EIPR1: variants seen among roughly 807,000 people sequenced by gnomAD.
The protein encoded by EIPR1 is EARP and GARP complex-interacting protein 1.
Under a neutral mutation model 48.1 loss-of-function variants are expected in EIPR1, and 25 were observed. The ratio of observed to expected loss-of-function variants is 0.52; its 90% confidence interval spans 0.38 to 0.73. EIPR1 has a LOEUF of 0.73. EIPR1 is among the 30% of genes least tolerant of loss of function. EIPR1 has a pLI of 0.00. For synonymous variants in EIPR1, 204 were observed against 201.9 expected (o/e 1.01, Z -0.09); for missense variants, 415 against 506.2 (o/e 0.82, Z 1.73).
Position 3,347,990 on chromosome 2 carries a change from C to G in EIPR1, c.126+6560G>C, listed in dbSNP as rs146891416. On this transcript the variant is annotated intron_variant, in intron 2 of 8. Transcript: ENST00000382125. ...GGGAAGAAATCAAGGCTCAGTTAGC[C>G]TAGAGTGGGGCTGGGAATCTGAATG... 4.6e-5 allele frequency among the ~76,000 whole-genome samples: 7 copies of G among 152,238 alleles called. No homozygotes were observed. In the East Asian group the frequency reaches 1.4e-3, roughly 29 times the overall value.
intron 3 of EIPR1, among the ~76,000 whole-genome samples, chr2:3,259,817 G>A (rs1472738315): frequency 2.6e-5 from 4 of 152,218 alleles, no homozygotes; most frequent in African/African-American, 9.7e-5. Context: ...TAACACTCAA[G>A]AGTGGAGAAA....
intron 4 of EIPR1, among the ~76,000 whole-genome samples, chr2:3,225,096 T>C (rs1229235438): frequency 2.0e-5 from 3 of 152,236 alleles, no homozygotes; most frequent in African/African-American, 7.2e-5. Context: ...AAACTATCTA[T>C]AGGTCCAATC....
At chr2:3,199,221 G>A (rs1664926644) in intron 5 of EIPR1, among the ~76,000 whole-genome samples, 1 of 152,088 alleles carries the variant, frequency 6.6e-6, no homozygotes, top group South Asian at 2.1e-4. Context: ...CTTTACGATT[G>A]TCCCTTGTTC....
intron 3 of EIPR1, among the ~76,000 whole-genome samples, chr2:3,266,740 C>T (rs1667501608): frequency 6.6e-6 from 1 of 152,178 alleles, no homozygotes; most frequent in Non-Finnish European, 1.5e-5. Flanking sequence ...ACACAGTGGG[C>T]ACAAGCATGA....
At chr2:3,278,504 C>A (rs936045107) in intron 3 of EIPR1, among the ~76,000 whole-genome samples, 15 of 152,296 alleles carry the variant, frequency 9.8e-5, no homozygotes, top group African/African-American at 3.6e-4. Context: ...CCCTGTCCTC[C>A]CCAGTCCCCA....
At chr2:3,333,603 T>C (rs1235434980) in intron 3 of EIPR1, among the ~76,000 whole-genome samples, 2 of 152,010 alleles carry the variant, frequency 1.3e-5, no homozygotes, top group Non-Finnish European at 2.9e-5. Flanking sequence ...CAGCCAGATA[T>C]GGTAGTGCAT....
intron 4 of EIPR1, among the ~76,000 whole-genome samples, chr2:3,228,807 A>G (rs1219609538): frequency 2.0e-5 from 3 of 151,926 alleles, no homozygotes; most frequent in Non-Finnish European, 4.4e-5. Flanking sequence ...CCCTGCTTGC[A>G]CTCACTCCAT....
intron 1 of EIPR1, among the ~76,000 whole-genome samples, chr2:3,365,267 C>T (rs948144521): frequency 2.5e-4 from 38 of 151,990 alleles, no homozygotes; most frequent in African/African-American, 8.9e-4. Context: ...TGAGACCCCC[C>T]ATCTCATTGA....
chr2:3,218,778 TCA>T (rs1443303763), intron 4 of EIPR1, among the ~76,000 whole-genome samples: 2 of 150,182 alleles, frequency 1.3e-5, no homozygotes, highest in East Asian at 2.0e-4. Context: ...TCTAGAGCGT[TCA>T]CAGTGACCCA....
Position 3,208,685 on chromosome 2 carries a change from T to A in EIPR1, c.516+5464A>T, listed in dbSNP as rs1239447287. The stretch of plus-strand genomic sequence containing the variant: ...TCTTGCAGTCATAACTCAACCCCAA[T>A]TCCCCCAGGAAACACTCGGCGGGTC... On this transcript the variant is annotated intron_variant, in intron 5 of 8. Coordinates refer to ENST00000382125, the MANE Select transcript of EIPR1 (RefSeq NM_003310.5). The A allele has an allele frequency of 1.9e-6, 3 of 1,550,418 alleles. No individual in the cohort carries two copies. In the African/African-American group the frequency reaches 4.1e-5, roughly 21 times the overall value.
chr2:3,325,351 G>T (rs548128161), intron 3 of EIPR1, among the ~76,000 whole-genome samples: 8 of 152,202 alleles, frequency 5.3e-5, no homozygotes, highest in Admixed American at 4.6e-4. Flanking sequence ...CTCCCACTGC[G>T]GAGGAGATGA....
intron 3 of EIPR1, among the ~76,000 whole-genome samples, chr2:3,269,548 G>A (rs111783524): frequency 0.092 from 4,420 of 48,000 alleles, 336 homozygotes; most frequent in East Asian, 0.17. Flanking sequence ...ATCGCACTCA[G>A]TCATCGCACT....
At position 3,220,955 on chromosome 2, in the gene EIPR1, C is replaced by T. The variant is rs972039172; in HGVS notation, c.417-6707G>A. Among the ~76,000 whole-genome samples the T allele has an allele frequency of 1.5e-3, 194 of 128,514 alleles. 16 individuals are homozygous for T. Among genetic ancestry groups the T allele is most frequent in the Non-Finnish European group, 3.4e-4 (20 of 58,174 alleles). The allele number at this position is 128,514 out of a possible 152,430, so 84.3% of individuals were successfully genotyped here. ...TTTACAGCATTTATAGTCAGGTGCA[C>T]ATGCACACGATGACCATGGTACACT... On this transcript the variant is annotated intron_variant, in intron 4 of 8. Transcript: ENST00000382125.
At chr2:3,335,410 C>A (rs1245135685) in intron 3 of EIPR1, among the ~76,000 whole-genome samples, 1 of 151,978 alleles carries the variant, frequency 6.6e-6, no homozygotes, top group Non-Finnish European at 1.5e-5. Context: ...AAAGGCCATG[C>A]CCTGCAGGAC....
intron 3 of EIPR1, among the ~76,000 whole-genome samples, chr2:3,269,837 C>A (rs1485462601): frequency 1.3e-5 from 2 of 152,234 alleles, no homozygotes; most frequent in Non-Finnish European, 2.9e-5. Flanking sequence ...GGCAGCAGAT[C>A]CCTCTGCCCT....
intron 4 of EIPR1, among the ~76,000 whole-genome samples, chr2:3,256,557 C>T (rs935115355): frequency 2.6e-5 from 4 of 152,218 alleles, no homozygotes; most frequent in African/African-American, 9.6e-5. Context: ...AGTCACTGTA[C>T]AAACGATTTG....
In EIPR1 at chr2:3,333,749, CAAAAAAA is replaced by C. The variant is rs769152280; in HGVS notation, c.259+4261_259+4267del. Among the ~76,000 whole-genome samples the C allele has an allele frequency of 6.9e-5, 5 of 72,398 alleles. No homozygotes were observed. In the South Asian group the frequency reaches 1.7e-3, roughly 25 times the overall value. 47.5% of individuals were successfully genotyped at this position (72,398 alleles called of 152,430 possible). A position where few individuals can be genotyped will look rare whatever the true frequency, so the allele number is the denominator to read the frequency against. On this transcript the variant is annotated intron_variant, in intron 3 of 8. Coordinates refer to ENST00000382125, the MANE Select transcript of EIPR1 (RefSeq NM_003310.5). ...AGAGCCAAGAGCAAGACCCTACCTC[CAAAAAAA>C]AAAAAAAAAAAAATCATGAAAAAGG...
At chr2:3,340,614 T>C (rs1670210217) in intron 2 of EIPR1, among the ~76,000 whole-genome samples, 1 of 152,246 alleles carries the variant, frequency 6.6e-6, no homozygotes, top group East Asian at 1.9e-4. Flanking sequence ...AATATATTAT[T>C]AGTTATTAAA....
At chr2:3,315,036 T>C (rs1475074220) in intron 3 of EIPR1, among the ~76,000 whole-genome samples, 10 of 149,766 alleles carry the variant, frequency 6.7e-5, no homozygotes, top group African/African-American at 2.5e-4. Context: ...GTCCCCACCA[T>C]CACCCGCCAC....
Sources: gnomAD v4.1 joint callset for allele counts (sites outside exome capture counted in the v4.1 genomes callset) on GRCh38, gnomAD v4.1.1 for gene constraint, MANE v1.5 for transcripts, NCBI Gene and HGNC (gene_info 2026-07-23, HGNC 2026-07-21) for gene names.